ZNF83: variants seen among roughly 807,000 people sequenced by gnomAD.
The protein encoded by ZNF83 is zinc finger protein 83, also known as zinc finger protein 816B.
For missense variants in ZNF83, 552 were observed against 629.9 expected (o/e 0.88, Z 1.32); for synonymous variants, 209 against 213.0 (o/e 0.98, Z 0.17).
chr19:52,624,277 C>G (rs1407378887), intron 2 of ZNF83, among the ~76,000 whole-genome samples: 18 of 152,016 alleles, frequency 1.2e-4, no homozygotes, highest in Admixed American at 1.0e-3. Context: ...CAAAGGATAT[C>G]AGGTATCCCC....
intron 1 of ZNF83, among the ~76,000 whole-genome samples, chr19:52,679,516 CAGG>C (rs1441079482): frequency 6.6e-6 from 1 of 152,156 alleles, no homozygotes; most frequent in African/African-American, 2.4e-5. Context: ...GAGGCTCAGG[CAGG>C]AGAATTGCTT....
At chr19:52,666,733 T>C (rs2061659005) in intron 1 of ZNF83, among the ~76,000 whole-genome samples, 1 of 151,968 alleles carries the variant, frequency 6.6e-6, no homozygotes, top group African/African-American at 2.4e-5. Context: ...GAAAATTCCA[T>C]TAACCCAGCA....
At chr19:52,632,774 C>T (rs1292553587) in intron 2 of ZNF83, among the ~76,000 whole-genome samples, 1 of 152,090 alleles carries the variant, frequency 6.6e-6, no homozygotes, top group Non-Finnish European at 1.5e-5. Context: ...TTTAGTTTTT[C>T]TATTCATACA....
chr19:52,647,457 T>C (rs1324851186), intron 3 of ZNF83, among the ~76,000 whole-genome samples: 4 of 152,064 alleles, frequency 2.6e-5, no homozygotes, highest in African/African-American at 9.7e-5. Flanking sequence ...ATTTTTGTTT[T>C]TTGGAAGAGA....
At chr19:52,668,351 C>A (rs1167798568) in intron 1 of ZNF83, among the ~76,000 whole-genome samples, 1 of 152,154 alleles carries the variant, frequency 6.6e-6, no homozygotes, top group Non-Finnish European at 1.5e-5. Context: ...CTGGATCAAG[C>A]CCTACCAAAT....
chr19:52,685,912 A>G (rs2062007420), intron 1 of ZNF83, among the ~76,000 whole-genome samples: 2 of 151,666 alleles, frequency 1.3e-5, no homozygotes, highest in African/African-American at 2.4e-5. Context: ...AAAAAAAAAA[A>G]AAAAAAAAAA....
intron 2 of ZNF83, among the ~76,000 whole-genome samples, chr19:52,623,567 T>A (rs2060626076): frequency 1.3e-5 from 2 of 152,112 alleles, no homozygotes. Flanking sequence ...TACAGCCACA[T>A]CTCATTGCCG....
exon 3 of ZNF83, chr19:52,612,830 T>C (rs1010218040): frequency 1.0e-4 from 55 of 530,320 alleles, no homozygotes; most frequent in African/African-American, 7.8e-4. Flanking sequence ...AGATTTTACC[T>C]TAAGACCTTG....
At chr19:52,632,568 ACT>A (rs1273643702) in intron 2 of ZNF83, among the ~76,000 whole-genome samples, 3 of 152,128 alleles carry the variant, frequency 2.0e-5, no homozygotes, top group African/African-American at 7.2e-5. Context: ...GCCAGTTTAC[ACT>A]GTTTCTCCAA....
exon 3 of ZNF83, chr19:52,655,567 A>T: frequency 6.7e-7 from 1 of 1,500,774 alleles, no homozygotes; most frequent in Non-Finnish European, 9.3e-7. Context: ...TCACCCACAG[A>T]CTCCAGGTTC....
chr19:52,676,321 C>T (rs1487369993), intron 1 of ZNF83, among the ~76,000 whole-genome samples: 2 of 152,160 alleles, frequency 1.3e-5, no homozygotes, highest in African/African-American at 2.4e-5. Flanking sequence ...GGCCTGATCT[C>T]GGCTCACTAC....
chr19:52,686,176 A>G (rs1023057806), intron 1 of ZNF83, among the ~76,000 whole-genome samples: 1 of 152,166 alleles, frequency 6.6e-6, no homozygotes, highest in African/African-American at 2.4e-5. Context: ...TGTATGAGGT[A>G]CCAAAGTTTT....
At chr19:52,613,522 T>C in exon 3 of ZNF83, 1 of 1,614,178 alleles carries the variant, frequency 6.2e-7, no homozygotes, top group Non-Finnish European at 8.5e-7. Flanking sequence ...GCCACATTCA[T>C]TACATTTGTA....
At chr19:52,643,543 T>A (rs999617999) in intron 3 of ZNF83, among the ~76,000 whole-genome samples, 12 of 151,398 alleles carry the variant, frequency 7.9e-5, no homozygotes, top group African/African-American at 2.7e-4. Flanking sequence ...TTACTAAAAA[T>A]ACAAAAAATT....
intron 2 of ZNF83, among the ~76,000 whole-genome samples, chr19:52,632,108 G>A (rs1221773341): frequency 2.0e-5 from 3 of 151,848 alleles, no homozygotes; most frequent in African/African-American, 7.3e-5. Flanking sequence ...GGCCACTGCA[G>A]TCATTTCTTC....
chr19:52,613,041 G>C (rs567038780), exon 3 of ZNF83: 2 of 1,602,966 alleles, frequency 1.2e-6, no homozygotes, highest in Non-Finnish European at 1.7e-6. Flanking sequence ...ATTTCTTTCC[G>C]GCATGAAATC....
At chr19:52,614,928 AT>A in intron 2 of ZNF83, 131 bp from the exon 3 acceptor site, 1 of 931,428 alleles carries the variant, frequency 1.1e-6, no homozygotes, top group Non-Finnish European at 1.4e-6. Flanking sequence ...CCCATTCATG[AT>A]TTTTAACTTT....
rs968855614 is a variant in ZNF83, at chr19:52,665,963, A to C, written c.-282-5120T>G. On this transcript the variant is annotated intron_variant, in intron 1 of 5. Transcript: ENST00000594682. The stretch of plus-strand genomic sequence containing the variant: ...ATCACGAGGTCAGGAGATTGAGACC[A>C]TCCTGGCTAACAGTGAAACCCCGTC... 2.0e-5 allele frequency among the ~76,000 whole-genome samples: 3 copies of C among 151,596 alleles called. No homozygotes were observed. In the East Asian group the frequency reaches 5.8e-4, roughly 29 times the overall value.
At chr19:52,629,285 T>C (rs1568544566) in intron 2 of ZNF83, among the ~76,000 whole-genome samples, 1 of 152,080 alleles carries the variant, frequency 6.6e-6, no homozygotes, top group Non-Finnish European at 1.5e-5. Flanking sequence ...CAGGCATTCT[T>C]TTACACATCG....
Sources: gnomAD v4.1 joint callset for allele counts (sites outside exome capture counted in the v4.1 genomes callset) on GRCh38, gnomAD v4.1.1 for gene constraint, MANE v1.5 for transcripts, NCBI Gene and HGNC (gene_info 2026-07-23, HGNC 2026-07-21) for gene names.